The following UBE2E2 variants were observed in gnomAD, a reference collection of about 807,000 sequenced individuals.
UBE2E2 encodes the protein ubiquitin conjugating enzyme E2 E2.
UBE2E2 carries 6 observed loss-of-function variants against 24.7 expected under a neutral mutation model. The observed-to-expected ratio is 0.24, with a 90% CI of 0.13 to 0.48. The LOEUF (loss-of-function observed/expected upper bound fraction) is 0.48, where lower values mean the gene tolerates loss of function less well. Among genes scored for constraint, UBE2E2 ranks in the 20% least tolerant of loss-of-function variants. The probability of loss-of-function intolerance (pLI) is 0.99; values close to 1 mark genes in which losing one functional copy is unlikely to be tolerated. For synonymous variants in UBE2E2, 104 were observed against 83.6 expected, an observed-to-expected ratio of 1.24 and a Z score of -1.33; for missense variants, 169 against 245.0, an observed-to-expected ratio of 0.69 and a Z score of 2.07.
intron 3 of UBE2E2, among the ~76,000 whole-genome samples, chr3:23,432,614 A>G (rs1698087343): frequency 6.6e-6 from 1 of 151,926 alleles, no homozygotes; most frequent in South Asian, 2.1e-4. Flanking sequence ...TCTCAAGTTC[A>G]TTAGTTGAGA....
At chr3:23,309,365 T>G (rs915262557) in intron 3 of UBE2E2, among the ~76,000 whole-genome samples, 2 of 152,208 alleles carry the variant, frequency 1.3e-5, no homozygotes, top group Admixed American at 1.3e-4. Context: ...CATAACATAG[T>G]TACAATAGCT....
intron 5 of UBE2E2, among the ~76,000 whole-genome samples, chr3:23,578,009 G>GAAA (rs58612058): frequency 6.8e-5 from 7 of 103,242 alleles, no homozygotes; most frequent in East Asian, 2.5e-4. Flanking sequence ...CTACCTCTCA[G>GAAA]AAAAAAAAAA....
rs182822536 is a variant in UBE2E2, at chr3:23,324,627, A to G, written c.227+107315A>G. ...AATTTTAGGTGTGAAGAACTATAAAAAAGTTAGGTTGTTTGTGCTGCATCC... is the reference window on the plus strand; with the variant it reads ...AATTTTAGGTGTGAAGAACTATAAAGAAGTTAGGTTGTTTGTGCTGCATCC... On this transcript the variant is annotated intron_variant, in intron 3 of 5. Transcript: ENST00000396703. 2.3e-3 allele frequency among the ~76,000 whole-genome samples: 354 copies of G among 152,218 alleles called. 2 individuals are homozygous for G. Among genetic ancestry groups the G allele is most frequent in the African/African-American group, 8.1e-3 (338 of 41,562 alleles).
chr3:23,257,007 A>C (rs1244438602), intron 3 of UBE2E2, among the ~76,000 whole-genome samples: 5 of 152,236 alleles, frequency 3.3e-5, no homozygotes, highest in African/African-American at 1.2e-4. Context: ...CCACGAAGGA[A>C]CTGGCACCAA....
chr3:23,395,343 G>A (rs187777457), intron 3 of UBE2E2, among the ~76,000 whole-genome samples: 1 of 152,178 alleles, frequency 6.6e-6, no homozygotes, highest in African/African-American at 2.4e-5. Flanking sequence ...GCAGTGAAGG[G>A]TAAGATGAGA....
chr3:23,535,776 C>G (rs988378678), intron 5 of UBE2E2, among the ~76,000 whole-genome samples: 1 of 152,010 alleles, frequency 6.6e-6, no homozygotes, highest in Non-Finnish European at 1.5e-5. Context: ...GCCCCACCAC[C>G]ATGCCTGGCT....
At chr3:23,299,326 C>T (rs918648324) in intron 3 of UBE2E2, among the ~76,000 whole-genome samples, 3 of 152,128 alleles carry the variant, frequency 2.0e-5, no homozygotes, top group Admixed American at 2.0e-4. Flanking sequence ...CTTCTGCTAG[C>T]TTTTGAATGT....
At chr3:23,349,319 G>A (rs1695655207) in intron 3 of UBE2E2, among the ~76,000 whole-genome samples, 1 of 152,202 alleles carries the variant, frequency 6.6e-6, no homozygotes, top group Non-Finnish European at 1.5e-5. Context: ...GAAGACGGGT[G>A]ATTTCTGCAT....
At chr3:23,250,168 A>G (rs1187143366) in intron 3 of UBE2E2, among the ~76,000 whole-genome samples, 3 of 152,338 alleles carry the variant, frequency 2.0e-5, no homozygotes, top group Non-Finnish European at 4.4e-5. Context: ...ACTGCAATAT[A>G]GTCACAATTA....
At chr3:23,558,413 T>G (rs997159188) in intron 5 of UBE2E2, among the ~76,000 whole-genome samples, 1 of 152,206 alleles carries the variant, frequency 6.6e-6, no homozygotes, top group Admixed American at 6.5e-5. Context: ...TATGTAGTTA[T>G]GTATATCTTT....
intron 3 of UBE2E2, among the ~76,000 whole-genome samples, chr3:23,272,674 G>A (rs187218632): frequency 6.6e-6 from 1 of 152,096 alleles, no homozygotes; most frequent in African/African-American, 2.4e-5. Flanking sequence ...ATATCTCAGA[G>A]AGAGAGAGAG....
chr3:23,499,716 A>G lies in UBE2E2; in HGVS notation c.336A>G (p.Pro112=). 1 of 1,613,912 alleles carries G rather than the reference A, an allele frequency of 6.2e-7. No homozygotes were observed. The highest frequency in any genetic ancestry group is 8.5e-7 in the Non-Finnish European group (1 of 1,179,906). The change falls in exon 4 of 6, where the codon CCA becomes CCG. Residue 112 remains proline, a synonymous_variant. Coordinates refer to ENST00000396703, the MANE Select transcript of UBE2E2 (RefSeq NM_152653.4). ...GVFFLDITFS[P]DYPFKPPKVT... ...TCTTTCTTGACATTACCTTTTCACC[A>G]GACTATCCGTTTAAACCCCCTAAGG...
intron 3 of UBE2E2, among the ~76,000 whole-genome samples, chr3:23,279,062 A>G (rs181851455): frequency 1.1e-4 from 17 of 152,280 alleles, no homozygotes. Context: ...TTTTAAAGGT[A>G]AAAAGTTGGG....
chr3:23,353,487 C>T (rs1456441454), intron 3 of UBE2E2, among the ~76,000 whole-genome samples: 9 of 152,244 alleles, frequency 5.9e-5, no homozygotes, highest in Non-Finnish European at 1.2e-4. Context: ...CTAGAAAACC[C>T]CATCGTGTCA....
intron 3 of UBE2E2, among the ~76,000 whole-genome samples, chr3:23,454,643 C>T (rs17013286): frequency 0.029 from 4,414 of 152,164 alleles, 111 homozygotes; most frequent in East Asian, 0.13. Flanking sequence ...TTCTTCCATC[C>T]GTGTGTGATG....
intron 3 of UBE2E2, among the ~76,000 whole-genome samples, chr3:23,292,060 G>A (rs537842251): frequency 1.3e-3 from 204 of 151,902 alleles, no homozygotes; most frequent in South Asian, 4.8e-3. Flanking sequence ...GGGTTTCACC[G>A]TGTTAACCAG....
intron 3 of UBE2E2, among the ~76,000 whole-genome samples, chr3:23,355,363 C>T (rs905131106): frequency 6.6e-6 from 1 of 152,018 alleles, no homozygotes; most frequent in Non-Finnish European, 1.5e-5. Flanking sequence ...TACCCTAAAA[C>T]TTAAAGTATA....
At chr3:23,251,010 A>T (rs1012849509) in intron 3 of UBE2E2, among the ~76,000 whole-genome samples, 1 of 152,130 alleles carries the variant, frequency 6.6e-6, no homozygotes, top group Non-Finnish European at 1.5e-5. Context: ...GGTGCATGCC[A>T]TCATGCTTCT....
At chr3:23,502,645 G>C (rs763787533) in intron 4 of UBE2E2, among the ~76,000 whole-genome samples, 3 of 152,086 alleles carry the variant, frequency 2.0e-5, no homozygotes, top group Non-Finnish European at 4.4e-5. Flanking sequence ...AGCTATTCTA[G>C]TAATTTCTTC....
Sources: gnomAD v4.1 joint callset for allele counts (sites outside exome capture counted in the v4.1 genomes callset) on GRCh38, gnomAD v4.1.1 for gene constraint, MANE v1.5 for transcripts, NCBI Gene and HGNC (gene_info 2026-07-23, HGNC 2026-07-21) for gene names.